DNM2: variants seen among roughly 807,000 people sequenced by gnomAD.
The protein encoded by DNM2 is dynamin 2.
In DNM2, 15 loss-of-function variants were observed where a neutral mutation model predicts 99.0. That is an observed-to-expected ratio of 0.15 (90% CI 0.10 to 0.23). The LOEUF (loss-of-function observed/expected upper bound fraction) is 0.23. Among genes scored for constraint, DNM2 ranks in the 10% least tolerant of loss-of-function variants. The pLI is 1.00. For missense variants in DNM2, 742 were observed against 1,189.4 expected, an observed-to-expected ratio of 0.62 and a Z score of 5.53; for synonymous variants, 525 against 481.2, an observed-to-expected ratio of 1.09 and a Z score of -1.19.
In DNM2 at chr19:10,783,049, C is replaced by T. The variant is rs145607989; in HGVS notation, c.778C>T (p.Leu260Phe). The T allele has an allele frequency of 5.0e-6, 8 of 1,613,964 alleles. No individual in the cohort carries two copies. The highest frequency in any genetic ancestry group is 6.8e-6 in the Non-Finnish European group (8 of 1,180,046). Residue 260 changes from leucine to phenylalanine, a missense_variant, in exon 6 of 21, where the codon CTC becomes TTC. Physicochemically the swap from Leu to Phe is conservative, Grantham distance 22. Coordinates refer to ENST00000389253, the MANE Select transcript of DNM2 (RefSeq NM_001005361.3). ...ACTGGCAGCTGAGAGGAAGTTCTTCCTCTCCCACCCGGCCTACCGGCACAT... is the reference window on the plus strand; with the variant it reads ...ACTGGCAGCTGAGAGGAAGTTCTTCTTCTCCCACCCGGCCTACCGGCACAT... ...AALAAERKFF[L>F]SHPAYRHMAD...
rs1172189226 is a variant in DNM2 at position 10,764,924 on chromosome 19, G to A, written c.235+5113G>A. ...TTGCCGCCTTCGTTCCCCGGTCCCC[G>A]GCAGCACGAGTTATCCTGTTCTTGT... On this transcript the variant is annotated intron_variant, in intron 2 of 20. Coordinates refer to ENST00000389253, the MANE Select transcript of DNM2 (RefSeq NM_001005361.3). This position sits in a 1 kb window ranked among gnomAD's most constrained non-coding sequence, Gnocchi z 4.1. Among the ~76,000 whole-genome samples the A allele has an allele frequency of 2.0e-5, 3 of 152,054 alleles. No individual in the cohort carries two copies. The highest frequency in any genetic ancestry group is 2.9e-5 in the Non-Finnish European group (2 of 67,974).
At chr19:10,781,271 G>A (rs1281208153) in intron 5 of DNM2, 1 of 152,214 alleles carries the variant, frequency 6.6e-6, no homozygotes, top group East Asian at 1.9e-4. Context: ...TGTCACACAG[G>A]TGATGGTGAC....
At chr19:10,803,305 G>A (rs1044630414) in intron 12 of DNM2, among the ~76,000 whole-genome samples, 1 of 152,176 alleles carries the variant, frequency 6.6e-6, no homozygotes, top group Non-Finnish European at 1.5e-5. Flanking sequence ...AAAGCTGATT[G>A]AGGATCTGTT....
At chr19:10,757,116 C>G (rs1273556120) in intron 1 of DNM2, among the ~76,000 whole-genome samples, 1 of 152,208 alleles carries the variant, frequency 6.6e-6, no homozygotes, top group African/African-American at 2.4e-5. Context: ...CCCCCCAGCG[C>G]TGACCACTGG....
chr19:10,773,376 C>T (rs1436919550), intron 3 of DNM2, among the ~76,000 whole-genome samples: 7 of 150,968 alleles, frequency 4.6e-5, no homozygotes, highest in African/African-American at 1.5e-4. Context: ...CTCAAACTCC[C>T]GACCTTGTGA....
At chr19:10,723,369 G>C (rs1338017434) in intron 1 of DNM2, among the ~76,000 whole-genome samples, 1 of 152,140 alleles carries the variant, frequency 6.6e-6, no homozygotes, top group Non-Finnish European at 1.5e-5. Flanking sequence ...CCGACCTCAG[G>C]TGATCTGCCG....
Position 10,831,683 on chromosome 19 carries a change from C to T in DNM2, c.*636C>T, listed in dbSNP as rs1018705374. On this transcript the variant is annotated 3_prime_UTR_variant, in exon 21 of 21. Coordinates refer to ENST00000389253, the MANE Select transcript of DNM2 (RefSeq NM_001005361.3). This position sits in a 1 kb window ranked among gnomAD's most constrained non-coding sequence, Gnocchi z 4.3. Reference sequence around the variant, plus strand: ...TTGCCCTATTCCTCTCCTCCTCCTCCTCCTGGGTCCCCCAGGGTGGCTGGG... The same window carrying T: ...TTGCCCTATTCCTCTCCTCCTCCTCTTCCTGGGTCCCCCAGGGTGGCTGGG... 2 of 986,262 alleles carry T rather than the reference C, an allele frequency of 2.0e-6. No homozygotes were observed. The highest frequency in any genetic ancestry group is 2.4e-6 in the Non-Finnish European group (2 of 830,278). 61.1% of individuals were successfully genotyped at this position (986,262 alleles called of 1,614,324 possible).
rs1351541266 is a variant in DNM2, at chr19:10,830,427, C to G, written c.2543+49C>G. On this transcript the variant is annotated intron_variant, in intron 20 of 20. Transcript: ENST00000389253. This position sits in a 1 kb window ranked among gnomAD's most constrained non-coding sequence, Gnocchi z 4.8. ...ACCCCAACTGCCTGCACCCTGGGGT[C>G]TCTCCTCCTGTCTCACTTCCTCCCA... is the stretch of plus-strand genomic sequence containing the variant. The G allele has an allele frequency of 6.3e-7, 1 of 1,588,912 alleles. No individual in the cohort carries two copies. Among genetic ancestry groups the G allele is most frequent in the African/African-American group, 1.3e-5 (1 of 74,696 alleles).
At chr19:10,769,067 G>A (rs752037222) in intron 2 of DNM2, among the ~76,000 whole-genome samples, 5 of 152,112 alleles carry the variant, frequency 3.3e-5, no homozygotes, top group Non-Finnish European at 5.9e-5. Context: ...GAACGATGGC[G>A]CCCACTGCCC....
Position 10,795,598 on chromosome 19 carries a change from A to C in DNM2, c.1196+159A>C, listed in dbSNP as rs945505790. Reference sequence around the variant, plus strand: ...GCGAGCCCCTCCCTGAGGGTCTCCAAGGGCACATGAGGGTGGATGTGTCTT... The same window carrying C: ...GCGAGCCCCTCCCTGAGGGTCTCCACGGGCACATGAGGGTGGATGTGTCTT... On this transcript the variant is annotated intron_variant, in intron 9 of 20. Transcript: ENST00000389253. The surrounding 1 kb of genome is among the most constrained non-coding windows in gnomAD (Gnocchi z 4.2). 9.4e-6 allele frequency: 7 copies of C among 746,142 alleles called. No homozygotes were observed. In the African/African-American group the frequency reaches 1.0e-4, roughly 11 times the overall value. The allele number at this position is 746,142 out of a possible 1,614,324, so 46.2% of individuals were successfully genotyped here.
rs868434416 is a variant in DNM2 at position 10,823,670 on chromosome 19, T to C, written c.1782-118T>C. ...CCCCTCAGCATGACCAGGTGAAGCCTGGGTTGGGTTTGGGTTCCTGATCAG... is the reference window on the plus strand; with the variant it reads ...CCCCTCAGCATGACCAGGTGAAGCCCGGGTTGGGTTTGGGTTCCTGATCAG... On this transcript the variant is annotated intron_variant, in intron 16 of 20. Coordinates refer to ENST00000389253, the MANE Select transcript of DNM2 (RefSeq NM_001005361.3). 4.2e-6 allele frequency: 4 copies of C among 944,444 alleles called. No individual in the cohort carries two copies. The Middle Eastern group carries it at 8.4e-4, about 198-fold the overall frequency. The allele number at this position is 944,444 out of a possible 1,614,324, so 58.5% of individuals were successfully genotyped here. A position where few individuals can be genotyped will look rare whatever the true frequency, so the allele number is the denominator to read the frequency against.
At chr19:10,821,434 G>A (rs1438585876) in intron 16 of DNM2, among the ~76,000 whole-genome samples, 1 of 152,172 alleles carries the variant, frequency 6.6e-6, no homozygotes, top group African/African-American at 2.4e-5. Flanking sequence ...GCAAAGTGGA[G>A]CAGCTCCACA....
At chr19:10,827,234 A>G (rs765890778) in intron 18 of DNM2, among the ~76,000 whole-genome samples, 1 of 152,136 alleles carries the variant, frequency 6.6e-6, no homozygotes, top group Non-Finnish European at 1.5e-5. Context: ...TTCTTCTGCT[A>G]TGAAATTTAA....
chr19:10,776,515 C>T (rs1429410594), intron 4 of DNM2, among the ~76,000 whole-genome samples: 5 of 152,198 alleles, frequency 3.3e-5, no homozygotes, highest in Non-Finnish European at 7.3e-5. Context: ...CATCTGTCCC[C>T]AGTGTCTCAT....
At chr19:10,809,703 C>T (rs971241498) in intron 14 of DNM2, 1 of 152,440 alleles carries the variant, frequency 6.6e-6, no homozygotes, top group Non-Finnish European at 1.5e-5. Flanking sequence ...GCAGGGGCTC[C>T]CTTTTGCTGG....
At chr19:10,822,823 C>A (rs2073019438) in intron 16 of DNM2, among the ~76,000 whole-genome samples, 1 of 148,356 alleles carries the variant, frequency 6.7e-6, no homozygotes, top group South Asian at 2.4e-4. Context: ...AAAAAACACA[C>A]AGGCCGGGCA....
At chr19:10,730,761 C>T (rs1185301248) in intron 1 of DNM2, among the ~76,000 whole-genome samples, 5 of 152,208 alleles carry the variant, frequency 3.3e-5, no homozygotes, top group Admixed American at 3.3e-4. Context: ...AGCAGCGTCC[C>T]CTCCAGGGTG....
Position 10,811,361 on chromosome 19 carries a change from G to C in DNM2, c.1558-903G>C, listed in dbSNP as rs924377753. 2.6e-4 allele frequency: 67 copies of C among 256,316 alleles called. No homozygotes were observed. Among genetic ancestry groups the C allele is most frequent in the Admixed American group, 3.5e-4 (7 of 20,278 alleles). 15.9% of individuals were successfully genotyped at this position (256,316 alleles called of 1,614,324 possible). A position where few individuals can be genotyped will look rare whatever the true frequency, so the allele number is the denominator to read the frequency against. On this transcript the variant is annotated intron_variant, in intron 14 of 20. Coordinates refer to ENST00000389253, the MANE Select transcript of DNM2 (RefSeq NM_001005361.3). This position sits in a 1 kb window ranked among gnomAD's most constrained non-coding sequence, Gnocchi z 5.4. ...CCGCCCCCGACTAGGACAGCATCTG[G>C]GCCCCAGAGGGATTCCTGGAGGCCC...
In DNM2 at chr19:10,796,064, C is replaced by G. The variant is rs542089703; in HGVS notation, c.1196+625C>G. ...CCCCGGGTCTGGACGGTTTCAGGAC[C>G]GGGCTTTTCACCCCGGACTTGGCAT... is the stretch of plus-strand genomic sequence containing the variant. On this transcript the variant is annotated intron_variant, in intron 9 of 20. Transcript: ENST00000389253. The surrounding 1 kb of genome is among the most constrained non-coding windows in gnomAD (Gnocchi z 5.6). 6.2e-7 allele frequency: 1 copy of G among 1,613,432 alleles called. No homozygotes were observed. The highest frequency in any genetic ancestry group is 1.3e-5 in the African/African-American group (1 of 74,898).
Sources: gnomAD v4.1 joint callset for allele counts (sites outside exome capture counted in the v4.1 genomes callset) on GRCh38, gnomAD v4.1.1 for gene constraint, Gnocchi (gnomAD v3.1) non-coding constraint, MANE v1.5 for transcripts, NCBI Gene and HGNC (gene_info 2026-07-23, HGNC 2026-07-21) for gene names.